The following DNAH9 variants were observed in gnomAD, a reference collection of about 807,000 sequenced individuals.
DNAH9 encodes the protein DNAH9 variant protein.
In DNAH9, 345 loss-of-function variants were observed where a neutral mutation model predicts 471.6. The ratio of observed to expected loss-of-function variants is 0.73; its 90% CI spans 0.67 to 0.80. The LOEUF (loss-of-function observed/expected upper bound fraction) is 0.80. Ranked by LOEUF, DNAH9 falls within the 30% of genes least tolerant of loss-of-function variation. The pLI is 0.00. For synonymous variants in DNAH9, 2,093 were observed against 2,123.6 expected (o/e 0.99, Z 0.40); for missense variants, 5,407 against 5,609.2 (o/e 0.96, Z 1.15).
rs753646311 is a variant in DNAH9 at position 11,747,621 on chromosome 17, C to T, written c.6465C>T (p.Thr2155=). ...TATTTGTGGTGGGTGGCGCTGGTACCGGCAAGTCACAGGTGCTGAGGTCCT... is the reference window on the plus strand; with the variant it reads ...TATTTGTGGTGGGTGGCGCTGGTACTGGCAAGTCACAGGTGCTGAGGTCCT... The part of the protein sequence containing the change: ...HSVFVVGGAG[T]GKSQVLRSLH... Residue 2155 remains threonine, a synonymous_variant, in exon 32 of 69, where the codon ACC becomes ACT. Coordinates refer to ENST00000262442, the MANE Select transcript of DNAH9 (RefSeq NM_001372.4). The T allele has an allele frequency of 6.8e-6, 11 of 1,613,946 alleles. No homozygotes were observed. Among genetic ancestry groups the T allele is most frequent in the East Asian group, 2.2e-5 (1 of 44,868 alleles).
In DNAH9 at chr17:11,810,325, CTGA is replaced by C. The variant is rs769776791; in HGVS notation, c.8667_8669del (p.Asp2889del). On this transcript the variant is annotated inframe_deletion, in exon 45 of 69. Coordinates refer to ENST00000262442, the MANE Select transcript of DNAH9 (RefSeq NM_001372.4). ...TTTCTCATGACTGATGCCCAAGTGG[CTGA>C]TGAGAGGTTCCTTGTGCTCATCAAT... The C allele has an allele frequency of 2.5e-6, 4 of 1,613,736 alleles. No individual in the cohort carries two copies. The highest frequency in any genetic ancestry group is 3.4e-6 in the Non-Finnish European group (4 of 1,179,898).
intron 49 of DNAH9, among the ~76,000 whole-genome samples, chr17:11,848,756 G>T (rs916828471): frequency 6.6e-6 from 1 of 152,030 alleles, no homozygotes; most frequent in East Asian, 1.9e-4. Flanking sequence ...TCAGAAATTA[G>T]ATAAATTTTA....
At chr17:11,926,050 A>G (rs1229446350) in intron 62 of DNAH9, among the ~76,000 whole-genome samples, 1 of 150,624 alleles carries the variant, frequency 6.6e-6, no homozygotes, top group Non-Finnish European at 1.5e-5. Flanking sequence ...AAAAAAAAAA[A>G]AAAAAAAAAA....
intron 33 of DNAH9, among the ~76,000 whole-genome samples, chr17:11,753,348 G>A (rs1407474559): frequency 6.6e-6 from 1 of 152,112 alleles, no homozygotes; most frequent in African/African-American, 2.4e-5. Context: ...CATCTTTCAT[G>A]GTGTCAAATA....
At chr17:11,794,453 A>C (rs1175788114) in intron 42 of DNAH9, among the ~76,000 whole-genome samples, 1 of 152,172 alleles carries the variant, frequency 6.6e-6, no homozygotes, top group African/African-American at 2.4e-5. Flanking sequence ...TCTGTCCACT[A>C]CCCAGGTCTA....
intron 48 of DNAH9, among the ~76,000 whole-genome samples, chr17:11,827,722 C>T (rs572312729): frequency 6.6e-6 from 1 of 151,322 alleles, no homozygotes; most frequent in East Asian, 2.0e-4. Context: ...GCTTCACTCT[C>T]TCACCCAGGC....
At chr17:11,616,980 T>A (rs369482117) in intron 4 of DNAH9, among the ~76,000 whole-genome samples, 19 of 152,332 alleles carry the variant, frequency 1.2e-4, no homozygotes, top group African/African-American at 4.3e-4. Flanking sequence ...AAGGACCCTT[T>A]AAACTGATTA....
chr17:11,882,208 C>T (rs1434212282), intron 55 of DNAH9, among the ~76,000 whole-genome samples: 1 of 152,172 alleles, frequency 6.6e-6, no homozygotes, highest in Non-Finnish European at 1.5e-5. Flanking sequence ...CTTTTCCTGC[C>T]TTGGAGGCAG....
rs974627857 is a variant in DNAH9 at position 11,783,497 on chromosome 17, C to G, written c.7719-149C>G. ...GTACCTTGGGAATCTGTCTTATGCT[C>G]TTATCTCTTCTCAATCCCTGCCGGT... is the stretch of plus-strand genomic sequence containing the variant. On this transcript the variant is annotated intron_variant, in intron 39 of 68. Transcript: ENST00000262442. 3 of 551,420 alleles carry G rather than the reference C, an allele frequency of 5.4e-6. No homozygotes were observed. The African/African-American group carries it at 5.6e-5, about 10-fold the overall frequency. The allele number at this position is 551,420 out of a possible 1,614,324, so 34.2% of individuals were successfully genotyped here.
chr17:11,949,368 C>T (rs1482836177), intron 67 of DNAH9, among the ~76,000 whole-genome samples: 2 of 152,176 alleles, frequency 1.3e-5, no homozygotes, highest in African/African-American at 2.4e-5. Flanking sequence ...TGACTCTTGA[C>T]CTGTGAGCAA....
chr17:11,816,883 C>T (rs184448233), intron 45 of DNAH9, among the ~76,000 whole-genome samples: 71 of 152,170 alleles, frequency 4.7e-4, no homozygotes, highest in African/African-American at 1.6e-3. Context: ...TTCGGTGAAA[C>T]CTCGTATCTA....
chr17:11,841,006 T>C (rs1298369680), intron 49 of DNAH9, among the ~76,000 whole-genome samples: 3 of 152,224 alleles, frequency 2.0e-5, no homozygotes, highest in Admixed American at 6.5e-5. Flanking sequence ...TAAAATAATA[T>C]GCTCTTTTTT....
chr17:11,920,041 T>TA (rs1325074064), intron 61 of DNAH9, among the ~76,000 whole-genome samples: 1 of 150,542 alleles, frequency 6.6e-6, no homozygotes, highest in East Asian at 2.0e-4. Flanking sequence ...CTTTCTTTTT[T>TA]TTTTTTTTTT....
intron 31 of DNAH9, 46 bp downstream of exon 31, chr17:11,745,130 T>C: frequency 6.7e-7 from 1 of 1,488,302 alleles, no homozygotes; most frequent in South Asian, 1.2e-5. Context: ...TCTTACTTAT[T>C]GTCCAGGATA....
chr17:11,671,294 A>C (rs1426803397), intron 17 of DNAH9, among the ~76,000 whole-genome samples: 1 of 152,248 alleles, frequency 6.6e-6, no homozygotes, highest in Non-Finnish European at 1.5e-5. Context: ...TATTACTCAC[A>C]GTTCCCAGGA....
chr17:11,886,696 C>T (rs1972887930), intron 56 of DNAH9, 129 bp from the exon 57 acceptor site: 1 of 1,161,158 alleles, frequency 8.6e-7, no homozygotes, highest in Non-Finnish European at 1.2e-6. Flanking sequence ...AACTTTCTAC[C>T]CATCATCCCC....
intron 60 of DNAH9, among the ~76,000 whole-genome samples, chr17:11,905,281 T>C (rs150694744): frequency 1.6e-4 from 24 of 151,432 alleles, no homozygotes; most frequent in Non-Finnish European, 3.4e-4. Context: ...CCTTAAATCT[T>C]GGGCAAGGCT....
intron 45 of DNAH9, among the ~76,000 whole-genome samples, chr17:11,818,065 A>G (rs1006152489): frequency 2.0e-5 from 3 of 152,188 alleles, no homozygotes; most frequent in African/African-American, 7.2e-5. Flanking sequence ...TACAATCACA[A>G]TTACTCACAC....
intron 67 of DNAH9, among the ~76,000 whole-genome samples, chr17:11,951,225 AAATG>A (rs1459088502): frequency 6.6e-6 from 1 of 152,208 alleles, no homozygotes; most frequent in Non-Finnish European, 1.5e-5. Context: ...TGAAGGGAAA[AAATG>A]AATGCAGTAT....
Sources: allele counts gnomAD v4.1 joint callset (sites outside exome capture counted in the v4.1 genomes callset), GRCh38; gene constraint gnomAD v4.1.1; transcripts MANE v1.5; gene names NCBI Gene and HGNC (gene_info 2026-07-23, HGNC 2026-07-21).